SPHKAP: variants seen among roughly 807,000 people sequenced by gnomAD.
SPHKAP encodes the protein SPHK1 interactor, AKAP domain containing, also known as A-kinase anchor protein SPHKAP.
Under a neutral mutation model 137.5 loss-of-function variants are expected in SPHKAP, and 67 were observed. That is an observed-to-expected ratio of 0.49 (90% CI 0.40 to 0.60). SPHKAP has a LOEUF of 0.60. SPHKAP is among the 20% of genes least tolerant of loss of function. The pLI, the probability that SPHKAP is intolerant of heterozygous loss-of-function variation, is 0.00. For missense variants in SPHKAP, 2,097 were observed against 2,069.3 expected (o/e 1.01, Z -0.26); for synonymous variants, 813 against 785.3 (o/e 1.04, Z -0.59).
At chr2:228,013,947 A>C (rs1694474752) in intron 7 of SPHKAP, among the ~76,000 whole-genome samples, 1 of 152,176 alleles carries the variant, frequency 6.6e-6, no homozygotes, top group Non-Finnish European at 1.5e-5. Context: ...CCAAACCAGA[A>C]ATCATGATTT....
intron 1 of SPHKAP, among the ~76,000 whole-genome samples, chr2:228,134,354 C>A (rs1416551795): frequency 6.6e-6 from 1 of 152,168 alleles, no homozygotes; most frequent in African/African-American, 2.4e-5. Flanking sequence ...ATTCTGCCAC[C>A]TAGCCTTTCT....
chr2:228,062,002 T>A (rs1226303600), intron 3 of SPHKAP, among the ~76,000 whole-genome samples: 1 of 151,882 alleles, frequency 6.6e-6, no homozygotes, highest in Non-Finnish European at 1.5e-5. Context: ...ATGTTTAGTG[T>A]GGAATAGGTT....
chr2:228,027,659 CA>C lies in SPHKAP; in HGVS notation c.247-117del. 2.9e-6 allele frequency: 3 copies of C among 1,036,556 alleles called. No homozygotes were observed. In the South Asian group the frequency reaches 4.2e-5, roughly 15 times the overall value. The allele number at this position is 1,036,556 out of a possible 1,614,324, so 64.2% of individuals were successfully genotyped here. ...CTTTGGGAGTCTTCCACATCTTAGA[CA>C]GTTTGGCATAGAAATAGTCATTTCA... On this transcript the variant is annotated intron_variant, in intron 3 of 11. Transcript: ENST00000392056.
intron 1 of SPHKAP, among the ~76,000 whole-genome samples, chr2:228,142,510 T>C (rs1200528266): frequency 3.3e-5 from 5 of 151,886 alleles, no homozygotes; most frequent in Admixed American, 1.3e-4. Context: ...ACTGGGATAT[T>C]ATCAGCCATA....
At chr2:228,167,371 A>G (rs1700450747) in intron 1 of SPHKAP, among the ~76,000 whole-genome samples, 1 of 152,198 alleles carries the variant, frequency 6.6e-6, no homozygotes, top group African/African-American at 2.4e-5. Context: ...CGATCTACTG[A>G]TAATTAACAC....
chr2:228,035,350 A>G (rs1369865719), intron 3 of SPHKAP, among the ~76,000 whole-genome samples: 1 of 152,064 alleles, frequency 6.6e-6, no homozygotes. Flanking sequence ...CTTCAAGGAG[A>G]ACTACAAACC....
At chr2:228,173,258 G>A (rs959869302) in intron 1 of SPHKAP, among the ~76,000 whole-genome samples, 2 of 152,136 alleles carry the variant, frequency 1.3e-5, no homozygotes, top group Admixed American at 6.5e-5. Context: ...GTCATTTGAT[G>A]GCCAGAAAGA....
chr2:228,073,461 A>T (rs138387158), intron 3 of SPHKAP, among the ~76,000 whole-genome samples: 2 of 152,328 alleles, frequency 1.3e-5, no homozygotes, highest in African/African-American at 4.8e-5. Flanking sequence ...AGGGGATAGA[A>T]GATGGAGGAA....
chr2:228,000,444 C>G (rs1559339132), intron 7 of SPHKAP, among the ~76,000 whole-genome samples: 1 of 151,996 alleles, frequency 6.6e-6, no homozygotes, highest in Non-Finnish European at 1.5e-5. Context: ...TGGTGAAACC[C>G]CATCTCTACT....
intron 11 of SPHKAP, among the ~76,000 whole-genome samples, chr2:227,984,889 C>T (rs1475599886): frequency 6.6e-6 from 1 of 152,182 alleles, no homozygotes; most frequent in Non-Finnish European, 1.5e-5. Flanking sequence ...CTGATGGAAA[C>T]ATGACATTTG....
chr2:228,145,448 A>G (rs928431000), intron 1 of SPHKAP, among the ~76,000 whole-genome samples: 5 of 152,214 alleles, frequency 3.3e-5, no homozygotes, highest in Middle Eastern at 3.2e-3. Context: ...GCATGTTGAA[A>G]TTGGATTAAA....
At chr2:228,109,007 C>CAT in intron 2 of SPHKAP, 68 bp from the exon 3 acceptor site, 1 of 719,336 alleles carries the variant, frequency 1.4e-6, no homozygotes, top group Non-Finnish European at 2.0e-6. Flanking sequence ...AGCTCTCTCT[C>CAT]TTTTTTTTTT....
chr2:228,037,023 TAAAGTA>T (rs1347164440), intron 3 of SPHKAP, among the ~76,000 whole-genome samples: 1 of 152,130 alleles, frequency 6.6e-6, no homozygotes, highest in Non-Finnish European at 1.5e-5. Flanking sequence ...CCCTAAAACT[TAAAGTA>T]TAATAATAAA....
chr2:228,017,384 C>T lies in SPHKAP; in HGVS notation c.3470G>A (p.Ser1157Asn), dbSNP rs778821217. 3.1e-6 allele frequency: 5 copies of T among 1,613,986 alleles called. No individual in the cohort carries two copies. In the Admixed American group the frequency reaches 5.0e-5, roughly 16 times the overall value. Residue 1157 changes from serine (S) to asparagine (N), a missense_variant, in exon 7 of 12, where the codon AGC becomes AAC. Transcript: ENST00000392056. ...LLDYYAGKNA[S>N]SILNSAMQQA... ...TTGCATGGCTGAGTTCAGAATGCTG[C>T]TGGCGTTCTTGCCAGCATAGTAATC...
rs201224418 is a variant in SPHKAP at position 228,018,490 on chromosome 2, C to A, written c.2364G>T (p.Val788=). ...HNTSLVINNL[V]DGMYSKQDKG... Reference sequence around the variant, plus strand: ...TGTCTTGTTTTGAATACATGCCATCCACAAGATTGTTGATGACAAGACTCG... The same window carrying A: ...TGTCTTGTTTTGAATACATGCCATCAACAAGATTGTTGATGACAAGACTCG... Residue 788 remains valine (V), a synonymous_variant, in exon 7 of 12, where the codon GTG becomes GTT. Transcript: ENST00000392056. 9.3e-6 allele frequency: 15 copies of A among 1,614,134 alleles called. No homozygotes were observed.
At chr2:228,124,440 G>C (rs1699007732) in intron 2 of SPHKAP, among the ~76,000 whole-genome samples, 1 of 151,978 alleles carries the variant, frequency 6.6e-6, no homozygotes, top group African/African-American at 2.4e-5. Flanking sequence ...GTAGGGACAT[G>C]GATGAAGCTG....
chr2:228,137,748 A>G (rs1470225742), intron 1 of SPHKAP, among the ~76,000 whole-genome samples: 2 of 152,220 alleles, frequency 1.3e-5, no homozygotes, highest in African/African-American at 2.4e-5. Flanking sequence ...TTGTCATTAA[A>G]ATCAATTTAA....
chr2:228,058,258 C>G (rs1696514328), intron 3 of SPHKAP, among the ~76,000 whole-genome samples: 2 of 152,178 alleles, frequency 1.3e-5, no homozygotes, highest in African/African-American at 4.8e-5. Context: ...CTAGAGAAAA[C>G]TTAGCAAAGT....
intron 2 of SPHKAP, among the ~76,000 whole-genome samples, chr2:228,118,501 C>A (rs1285859907): frequency 1.3e-5 from 2 of 152,054 alleles, no homozygotes; most frequent in African/African-American, 4.8e-5. Context: ...GAGAGTCCAA[C>A]TTGTCCCTAT....
Sources: gnomAD v4.1 joint callset for allele counts (sites outside exome capture counted in the v4.1 genomes callset) on GRCh38, gnomAD v4.1.1 for gene constraint, MANE v1.5 for transcripts, NCBI Gene and HGNC (gene_info 2026-07-23, HGNC 2026-07-21) for gene names.